Variants in PPIE observed in about 807,000 individuals in gnomAD.
The protein encoded by PPIE is peptidyl-prolyl cis-trans isomerase E.
A neutral mutation model predicts 38.4 loss-of-function variants in PPIE; 20 were observed. The observed-to-expected ratio is 0.52, with a 90% CI of 0.37 to 0.76. The LOEUF (loss-of-function observed/expected upper bound fraction) is 0.76, where lower values mean the gene tolerates loss of function less well. Ranked by LOEUF, PPIE falls within the 30% of genes least tolerant of loss-of-function variation. PPIE has a pLI of 0.00. For missense variants in PPIE, 322 were observed against 385.8 expected, an observed-to-expected ratio of 0.83 and a Z score of 1.39; for synonymous variants, 142 against 135.7, an observed-to-expected ratio of 1.05 and a Z score of -0.32.
At chr1:39,749,989 C>T (rs998130189) in intron 8 of PPIE, among the ~76,000 whole-genome samples, 17 of 152,050 alleles carry the variant, frequency 1.1e-4, no homozygotes, top group African/African-American at 2.9e-4. Flanking sequence ...TAAAATTAGC[C>T]GGGCGTGGTG....
At chr1:39,761,508 A>G (rs1191234713), downstream of PPIE, 4 of 147,168 alleles carry the variant, frequency 2.7e-5, no homozygotes, top group Non-Finnish European at 5.9e-5. Context: ...CTGCTTTGCT[A>G]AAGAGCTCCG....
At chr1:39,743,746 A>G in intron 5 of PPIE, 78 bp from the exon 6 acceptor site, 2 of 1,178,702 alleles carry the variant, frequency 1.7e-6, no homozygotes, top group Non-Finnish European at 2.5e-6. Flanking sequence ...AGCATCTTCC[A>G]CTTTGCTGAC....
intron 6 of PPIE, among the ~76,000 whole-genome samples, chr1:39,744,396 G>T (rs1291053495): frequency 6.6e-6 from 1 of 152,202 alleles, no homozygotes; most frequent in Non-Finnish European, 1.5e-5. Flanking sequence ...ACCTGCTGGG[G>T]CACTTCCCCC....
intron 7 of PPIE, chr1:39,745,720 T>C (rs1647186316): frequency 1.1e-5 from 6 of 544,784 alleles, no homozygotes; most frequent in Non-Finnish European, 1.9e-5. Flanking sequence ...TTTTTAAAAA[T>C]ACAAGTAAAT....
intron 1 of PPIE, among the ~76,000 whole-genome samples, chr1:39,739,922 G>A (rs1647016827): frequency 6.6e-6 from 1 of 152,188 alleles, no homozygotes; most frequent in Non-Finnish European, 1.5e-5. Context: ...ATGGAATGGA[G>A]GCAGGGAGGT....
At chr1:39,760,074 G>A (rs765108302), downstream of PPIE, 20 of 303,468 alleles carry the variant, frequency 6.6e-5, no homozygotes, top group Non-Finnish European at 1.1e-4. Flanking sequence ...TCTATCTCAC[G>A]ACCTGAGCCA....
At chr1:39,762,973 A>T in intron 9 of PPIE, 6 of 1,289,352 alleles carry the variant, frequency 4.7e-6, no homozygotes, top group Non-Finnish European at 6.6e-6. Context: ...GACTGTGCAG[A>T]CAAAGCCCCC....
chr1:39,755,179 G>C lies in PPIE; in HGVS notation c.*1824G>C. The C allele has an allele frequency of 2.0e-6, 2 of 985,476 alleles. No individual in the cohort carries two copies. Among genetic ancestry groups the C allele is most frequent in the Non-Finnish European group, 2.4e-6 (2 of 829,944 alleles). The allele number at this position is 985,476 out of a possible 1,614,324, so 61.0% of individuals were successfully genotyped here. On this transcript the variant is annotated 3_prime_UTR_variant, in exon 10 of 10. Coordinates refer to ENST00000324379, the MANE Select transcript of PPIE (RefSeq NM_006112.4). ...GCTGAAGGCTTTTAGCAGGGACTGAGTCCTGTAGCTGTTGGACACCTCCTG... is the reference window on the plus strand; with the variant it reads ...GCTGAAGGCTTTTAGCAGGGACTGACTCCTGTAGCTGTTGGACACCTCCTG...
At chr1:39,741,498 T>G in intron 3 of PPIE, 89 bp downstream of exon 3, 1 of 1,385,672 alleles carries the variant, frequency 7.2e-7, no homozygotes, top group Non-Finnish European at 1.0e-6. Context: ...GGTTAGGTTT[T>G]TGGGCCTTAG....
At chr1:39,753,205 G>A (rs1489495904) in intron 9 of PPIE, 82 bp from the exon 10 acceptor site, 13 of 1,594,276 alleles carry the variant, frequency 8.2e-6, no homozygotes, top group Non-Finnish European at 8.6e-7. Flanking sequence ...GTGGAAGTGG[G>A]CAAATGGGCA....
downstream of PPIE, chr1:39,760,351 G>T: frequency 3.1e-6 from 5 of 1,598,638 alleles, no homozygotes; most frequent in Middle Eastern, 1.7e-4. Flanking sequence ...TGGGTTTGAG[G>T]GTTTCCTGCT....
Position 39,755,323 on chromosome 1 carries a change from C to T in PPIE, c.*1968C>T. Reference sequence around the variant, plus strand: ...GGTGGTCCTCATGACCCTAGGATAGCTCTTGCTGAGGGATGGTGGCATTCT... The same window carrying T: ...GGTGGTCCTCATGACCCTAGGATAGTTCTTGCTGAGGGATGGTGGCATTCT... On this transcript the variant is annotated 3_prime_UTR_variant, in exon 10 of 10. Transcript: ENST00000324379. 1 of 985,464 alleles carries T rather than the reference C, an allele frequency of 1.0e-6. No individual in the cohort carries two copies. Among genetic ancestry groups the T allele is most frequent in the East Asian group, 1.1e-4 (1 of 8,814 alleles). 61.0% of individuals were successfully genotyped at this position (985,464 alleles called of 1,614,324 possible). A position where few individuals can be genotyped will look rare whatever the true frequency, so the allele number is the denominator to read the frequency against.
Position 39,755,937 on chromosome 1 carries a change from G to A in PPIE, c.*2582G>A. 2.0e-6 allele frequency: 2 copies of A among 985,424 alleles called. No homozygotes were observed. Among genetic ancestry groups the A allele is most frequent in the Non-Finnish European group, 2.4e-6 (2 of 829,922 alleles). 61.0% of individuals were successfully genotyped at this position (985,424 alleles called of 1,614,324 possible). A position where few individuals can be genotyped will look rare whatever the true frequency, so the allele number is the denominator to read the frequency against. On this transcript the variant is annotated 3_prime_UTR_variant, in exon 10 of 10. Transcript: ENST00000324379. ...CTCTCTTCAGTAGTAATGGAGTCCT[G>A]GGAGGTTTACTAGGCTTTAGCCTCA...
At chr1:39,750,536 G>C (rs111783671) in intron 8 of PPIE, among the ~76,000 whole-genome samples, 2 of 152,188 alleles carry the variant, frequency 1.3e-5, no homozygotes, top group Non-Finnish European at 2.9e-5. Context: ...TGAAATGCTC[G>C]AGTGAGCAGT....
chr1:39,753,034 T>G lies in PPIE; in HGVS notation c.819T>G (p.Asp273Glu). Residue 273 changes from aspartate (D) to glutamate (E), a missense_variant, in exon 9 of 10, where the codon GAT (aspartate) becomes GAG (glutamate). Transcript: ENST00000324379. ...TTGGAGAGGTCACCGAAGGCCTAGA[T>G]GTCTTGCGGCAAATTGAGGTATGTG... Reference protein sequence around the residue: ...VVFGEVTEGLDVLRQIEAQGS... With the variant: ...VVFGEVTEGLEVLRQIEAQGS... 1 of 1,614,198 alleles carries G rather than the reference T, an allele frequency of 6.2e-7. No homozygotes were observed. Among genetic ancestry groups the G allele is most frequent in the Non-Finnish European group, 8.5e-7 (1 of 1,180,028 alleles).
intron 8 of PPIE, among the ~76,000 whole-genome samples, chr1:39,750,382 A>T (rs1389283099): frequency 6.6e-6 from 1 of 152,058 alleles, no homozygotes; most frequent in East Asian, 1.9e-4. Context: ...CACCTCCCAG[A>T]TGTTATCCCA....
At chr1:39,748,703 G>T in intron 7 of PPIE, 200 bp from the exon 8 acceptor site, 1 of 557,024 alleles carries the variant, frequency 1.8e-6, no homozygotes, top group Non-Finnish European at 3.2e-6. Context: ...CCATTGCACT[G>T]CAGCATGGGC....
chr1:39,745,368 C>T lies in PPIE; in HGVS notation c.385-7C>T, dbSNP rs772806094. The stretch of plus-strand genomic sequence containing the variant: ...TCTCTCTAACTAGCAATTTCTTCTG[C>T]ACCTAGGGAGAGCCCATTGCTAAAA... On this transcript the variant is annotated splice_polypyrimidine_tract_variant and splice_region_variant and intron_variant, in intron 6 of 9. Transcript: ENST00000324379. 1.9e-6 allele frequency: 3 copies of T among 1,613,980 alleles called. No homozygotes were observed. The African/African-American group carries it at 4.0e-5, about 22-fold the overall frequency.
At chr1:39,742,351 T>C (rs191763719) in intron 4 of PPIE, 2 of 160,746 alleles carry the variant, frequency 1.2e-5, no homozygotes, top group African/African-American at 4.8e-5. Context: ...TTGGGAAAAA[T>C]GATGATGCTC....
Sources: allele counts gnomAD v4.1 joint callset (sites outside exome capture counted in the v4.1 genomes callset), GRCh38; gene constraint gnomAD v4.1.1; transcripts MANE v1.5; gene names NCBI Gene and HGNC (gene_info 2026-07-23, HGNC 2026-07-21).